ACAP3: variants seen among roughly 807,000 people sequenced by gnomAD.
The protein encoded by ACAP3 is ArfGAP with coiled-coil, ankyrin repeat and PH domains 3, also known as arf-GAP with coiled-coil, ANK repeat and PH domain-containing protein 3.
Under a neutral mutation model 104.1 loss-of-function variants are expected in ACAP3, and 56 were observed. The ratio of observed to expected loss-of-function variants is 0.54; its 90% CI spans 0.43 to 0.67. The LOEUF (loss-of-function observed/expected upper bound fraction) is 0.67. ACAP3 is among the 30% of genes least tolerant of loss of function. ACAP3 has a pLI of 0.00. For synonymous variants in ACAP3, 628 were observed against 496.2 expected (o/e 1.27, Z -3.53); for missense variants, 1,208 against 1,174.9 (o/e 1.03, Z -0.41).
Position 1,304,156 on chromosome 1 carries a change from C to T in ACAP3, c.48-13G>A, listed in dbSNP as rs750313445. 5.2e-6 allele frequency: 8 copies of T among 1,550,484 alleles called. No homozygotes were observed. The Admixed American group carries it at 9.8e-5, about 19-fold the overall frequency. ...GTCAATGGTCGCCCTAAAGCAAGAA[C>T]GGGGCTGGCTGGGGTCACCTGCAGC... On this transcript the variant is annotated splice_polypyrimidine_tract_variant and intron_variant, in intron 1 of 23. Coordinates refer to ENST00000354700, the MANE Select transcript of ACAP3 (RefSeq NM_030649.3).
rs1423390685 is a variant in ACAP3, at chr1:1,304,073, G to GC, written c.105+12dup. On this transcript the variant is annotated intron_variant, in intron 2 of 23. Transcript: ENST00000354700. ...CTTGGCCGGGCACAGGGCGCTCCAG[G>GC]CCCGCCCTTCACCTTGTCCAGTTTG... 2.6e-6 allele frequency: 4 copies of GC among 1,550,398 alleles called. No homozygotes were observed. The highest frequency in any genetic ancestry group is 8.7e-7 in the Non-Finnish European group (1 of 1,146,854).
intron 4 of ACAP3, 57 bp downstream of exon 4, chr1:1,302,865 G>C: frequency 3.8e-6 from 6 of 1,559,062 alleles, no homozygotes; most frequent in Non-Finnish European, 5.2e-6. Context: ...AGGTGAGCCA[G>C]CGCAGCTCGG....
At chr1:1,302,868 C>A in intron 4 of ACAP3, 54 bp downstream of exon 4, 2 of 1,564,404 alleles carry the variant, frequency 1.3e-6, no homozygotes, top group Non-Finnish European at 1.7e-6. Flanking sequence ...TGAGCCAGCG[C>A]AGCTCGGTTC....
rs370402861 is a variant in ACAP3, at chr1:1,294,103, G to A, written c.2236C>T (p.Leu746=). 709 of 1,579,080 alleles carry A rather than the reference G, an allele frequency of 4.5e-4. 5 individuals carry two copies. In the African/African-American group the frequency reaches 9.1e-3, roughly 20 times the overall value. Residue 746 remains leucine, a synonymous_variant, in exon 22 of 24, where the codon CTG becomes TTG. Coordinates refer to ENST00000354700, the MANE Select transcript of ACAP3 (RefSeq NM_030649.3). ...GRAPLHHATL[L]GRTGQVCLFL... is the part of the protein sequence containing the mutation. ...TGCGCGTCTCACCCGGTGCGGCCCA[G>A]CAGCGTGGCGTGGTGCAGGGGCGCC...
chr1:1,295,777 C>T lies in ACAP3; in HGVS notation c.1664G>A (p.Arg555Gln), dbSNP rs770268464. 46 of 1,608,196 alleles carry T rather than the reference C, an allele frequency of 2.9e-5. No homozygotes were observed. The highest frequency in any genetic ancestry group is 2.0e-4 in the East Asian group (9 of 44,882). ...PRAPTARRKV[R>Q]LEPVLPCVAA... ...CACACAGGGCAGAACGGGCTCAAGCCGGACCTTGCGGCGGGCAGTGGGAGC... is the reference window on the plus strand; with the variant it reads ...CACACAGGGCAGAACGGGCTCAAGCTGGACCTTGCGGCGGGCAGTGGGAGC... Residue 555 changes from arginine (R) to glutamine (Q), a missense_variant, in exon 18 of 24, where the codon CGG (arginine) becomes CAG (glutamine). Transcript: ENST00000354700.
chr1:1,299,224 G>T, intron 10 of ACAP3, 121 bp downstream of exon 10: 1 of 1,295,658 alleles, frequency 7.7e-7, no homozygotes, highest in Non-Finnish European at 1.1e-6. Context: ...TCAGCAGCAG[G>T]AGCCGAGACT....
intron 15 of ACAP3, 69 bp from the exon 16 acceptor site, chr1:1,296,349 C>G: frequency 2.6e-6 from 4 of 1,548,118 alleles, no homozygotes; most frequent in Non-Finnish European, 3.5e-6. Context: ...CCCCCACCCC[C>G]GGCCTGGCCC....
chr1:1,294,273 C>G, intron 21 of ACAP3, 74 bp from the exon 22 acceptor site: 1 of 1,516,770 alleles, frequency 6.6e-7, no homozygotes, highest in Non-Finnish European at 8.9e-7. Flanking sequence ...TGACCCCGGC[C>G]TTGGGCGCCC....
At chr1:1,307,039 G>T (rs992601701) in intron 1 of ACAP3, 2 of 601,728 alleles carry the variant, frequency 3.3e-6, no homozygotes, top group Non-Finnish European at 5.5e-6. Context: ...GCACGAGCTC[G>T]TGCAGAGGAG....
At chr1:1,295,703 C>A (rs1372531028) in intron 18 of ACAP3, 33 bp downstream of exon 18, 3 of 1,577,430 alleles carry the variant, frequency 1.9e-6, no homozygotes, top group Non-Finnish European at 2.6e-6. Context: ...CAAGGCAAGC[C>A]CCTCCCAGCC....
chr1:1,293,781 C>A, intron 23 of ACAP3, 42 bp downstream of exon 23: 1 of 1,539,508 alleles, frequency 6.5e-7, no homozygotes, highest in Non-Finnish European at 8.7e-7. Flanking sequence ...CCGCCCCTGC[C>A]CTGGAGGCCC....
At position 1,298,636 on chromosome 1, in the gene ACAP3, G is replaced by C; in HGVS notation, c.794C>G (p.Ala265Gly). ...GCCCTCCATCACCACCCCACTGGGC[G>C]CGTCCACGTCAAACTCCACTTTGGA... is the stretch of plus-strand genomic sequence containing the variant. ...DESKVEFDVD[A>G]PSGVVMEGYL... The change falls in exon 11 of 24, where the codon GCG becomes GGG. Residue 265 changes from alanine to glycine, a missense_variant. Transcript: ENST00000354700. 2 of 1,612,316 alleles carry C rather than the reference G, an allele frequency of 1.2e-6. No individual in the cohort carries two copies. The highest frequency in any genetic ancestry group is 1.7e-6 in the Non-Finnish European group (2 of 1,179,806).
chr1:1,301,998 A>C lies in ACAP3; in HGVS notation c.328T>G (p.Phe110Val). Residue 110 changes from phenylalanine (F) to valine (V), a missense_variant, in exon 5 of 24, where the codon TTT becomes GTT. Transcript: ENST00000354700. ...CTGGGGGCCACTCACTCTTTGACAAAGCTCTGGAGCTGCTGCCGCACGGAC... is the reference window on the plus strand; with the variant it reads ...CTGGGGGCCACTCACTCTTTGACAACGCTCTGGAGCTGCTGCCGCACGGAC... ...QRSVRQQLQS[F>V]VKEDVRKFKE... 6.4e-7 allele frequency: 1 copy of C among 1,569,468 alleles called. No individual in the cohort carries two copies. Among genetic ancestry groups the C allele is most frequent in the Non-Finnish European group, 8.6e-7 (1 of 1,156,168 alleles).
intron 1 of ACAP3, chr1:1,307,148 T>A (rs1218565037): frequency 2.7e-5 from 34 of 1,268,038 alleles, no homozygotes; most frequent in Non-Finnish European, 3.1e-5. Context: ...TGCACACTTG[T>A]GCACACGTCT....
chr1:1,293,741 C>T (rs1557593313), intron 23 of ACAP3, 33 bp from the exon 24 acceptor site: 2 of 1,454,312 alleles, frequency 1.4e-6, no homozygotes, highest in Non-Finnish European at 1.8e-6. Context: ...ACGCCCCTGC[C>T]CTGGAGGCCC....
At chr1:1,302,314 G>A (rs754564684) in intron 4 of ACAP3, among the ~76,000 whole-genome samples, 30 of 146,738 alleles carry the variant, frequency 2.0e-4, no homozygotes, top group Non-Finnish European at 1.8e-4. Context: ...AGCCTGAGCC[G>A]GAGCCCCACT....
At chr1:1,301,447 T>G (rs1641441988) in intron 5 of ACAP3, 1 of 138,808 alleles carries the variant, frequency 7.2e-6, no homozygotes, top group East Asian at 2.0e-4. Flanking sequence ...TTTTTTTTTT[T>G]GTAGAGATGG....
intron 5 of ACAP3, chr1:1,301,677 A>T: frequency 4.8e-6 from 1 of 207,726 alleles, no homozygotes; most frequent in Non-Finnish European, 9.1e-6. Context: ...AGGCCTCCCC[A>T]GCCCCTCCCC....
intron 18 of ACAP3, 51 bp from the exon 19 acceptor site, chr1:1,295,605 G>A (rs771849181): frequency 1.9e-6 from 3 of 1,589,066 alleles, no homozygotes; most frequent in South Asian, 2.2e-5. Context: ...GGGTGGGGCA[G>A]GGAACCCCAG....
Sources: allele counts gnomAD v4.1 joint callset (sites outside exome capture counted in the v4.1 genomes callset), GRCh38; gene constraint gnomAD v4.1.1; transcripts MANE v1.5; gene names NCBI Gene and HGNC (gene_info 2026-07-23, HGNC 2026-07-21).